Variants in ANKRA2 observed in about 807,000 individuals in gnomAD.
ANKRA2 encodes the protein ankyrin repeat family A member 2.
Under a neutral mutation model 37.8 loss-of-function variants are expected in ANKRA2, and 33 were observed. The ratio of observed to expected loss-of-function variants is 0.87; its 90% confidence interval spans 0.66 to 1.17. ANKRA2 has a LOEUF of 1.17. Among genes scored for constraint, ANKRA2 ranks in the 50% most tolerant of loss-of-function variants. The pLI, the probability that ANKRA2 is intolerant of heterozygous loss-of-function variation, is 0.00. For synonymous variants in ANKRA2, 126 were observed against 132.3 expected (o/e 0.95, Z 0.33); for missense variants, 326 against 373.7 (o/e 0.87, Z 1.05).
chr5:73,565,582 T>A lies in ANKRA2; in HGVS notation c.-555A>T. ...CGCTCCGAGGCCCATCCTGCCGGAG[T>A]ACTACACAGACAGGGTCATTTCAGT... is the stretch of plus-strand genomic sequence containing the variant. On this transcript the variant is annotated 5_prime_UTR_variant, in exon 1 of 9. Coordinates refer to ENST00000296785, the MANE Select transcript of ANKRA2 (RefSeq NM_023039.5). 1 of 332,440 alleles carries A rather than the reference T, an allele frequency of 3.0e-6. No homozygotes were observed. Among genetic ancestry groups the A allele is most frequent in the Non-Finnish European group, 6.0e-6 (1 of 166,298 alleles). The allele number at this position is 332,440 out of a possible 1,614,324, so 20.6% of individuals were successfully genotyped here. A position where few individuals can be genotyped will look rare whatever the true frequency, so the allele number is the denominator to read the frequency against.
intron 2 of ANKRA2, among the ~76,000 whole-genome samples, chr5:73,561,760 C>G (rs1451857698): frequency 6.7e-6 from 1 of 150,128 alleles, no homozygotes; most frequent in Non-Finnish European, 1.5e-5. Context: ...GAGAGAGGCT[C>G]TGGCTCAAAG....
At chr5:73,554,177 TG>T in intron 7 of ANKRA2, 144 bp downstream of exon 7, 1 of 713,476 alleles carries the variant, frequency 1.4e-6, no homozygotes, top group Non-Finnish European at 2.3e-6. Flanking sequence ...CAACTTTTGG[TG>T]GCAGGTGCTC....
At chr5:73,561,008 T>C in intron 3 of ANKRA2, 122 bp downstream of exon 3, 8 of 1,021,850 alleles carry the variant, frequency 7.8e-6, no homozygotes, top group South Asian at 1.7e-5. Context: ...AGTATTCCAT[T>C]GTGTAGTATA....
intron 3 of ANKRA2, among the ~76,000 whole-genome samples, chr5:73,559,982 TTGAACTCC>T (rs1464366237): frequency 6.6e-6 from 1 of 152,160 alleles, no homozygotes; most frequent in Non-Finnish European, 1.5e-5. Context: ...CAGGCTGGTC[TTGAACTCC>T]TGAACTCAAG....
intron 8 of ANKRA2, 123 bp downstream of exon 8, chr5:73,553,283 G>A: frequency 1.4e-6 from 1 of 694,066 alleles, no homozygotes; most frequent in Non-Finnish European, 2.3e-6. Context: ...AAAGTTAAAA[G>A]TATATGTCAG....
intron 1 of ANKRA2, among the ~76,000 whole-genome samples, chr5:73,563,702 T>G (rs2112025892): frequency 6.6e-6 from 1 of 152,300 alleles, no homozygotes; most frequent in South Asian, 2.1e-4. Flanking sequence ...ACATTATCAT[T>G]TGGGACAGAA....
intron 4 of ANKRA2, among the ~76,000 whole-genome samples, chr5:73,555,993 G>T (rs1392362802): frequency 6.6e-6 from 1 of 152,130 alleles, no homozygotes; most frequent in Non-Finnish European, 1.5e-5. Context: ...GTACAGTTGG[G>T]AGGATCATAA....
rs747711229 is a variant in ANKRA2 at position 73,562,815 on chromosome 5, T to G, written c.67A>C (p.Ser23Arg). The change falls in exon 2 of 9, where the codon AGC (serine) becomes CGC (arginine). Residue 23 changes from serine to arginine, a missense_variant. Around this residue, in one of 3 missense-constraint regions of ANKRA2, gnomAD observed 93 missense variants for 91.1 expected, o/e 1.02. Coordinates refer to ENST00000296785, the MANE Select transcript of ANKRA2 (RefSeq NM_023039.5). ...TTAATGTCTGGCATGCCAGTTAGGC[T>G]ATAAGTGCTGGGACACTCTTCCACG... is the stretch of plus-strand genomic sequence containing the variant. ...LIVEECPSTY[S>R]LTGMPDIKIE... 2 of 1,614,198 alleles carry G rather than the reference T, an allele frequency of 1.2e-6. No homozygotes were observed. The highest frequency in any genetic ancestry group is 1.7e-6 in the Non-Finnish European group (2 of 1,180,016).
At chr5:73,556,606 G>GGAA (rs1747402550) in intron 4 of ANKRA2, among the ~76,000 whole-genome samples, 2 of 152,168 alleles carry the variant, frequency 1.3e-5, no homozygotes, top group Admixed American at 1.3e-4. Context: ...CAATCCAGAA[G>GGAA]TCACAAAGAA....
intron 5 of ANKRA2, 192 bp from the exon 6 acceptor site, chr5:73,555,178 T>C (rs548849487): frequency 2.6e-4 from 363 of 1,407,448 alleles, no homozygotes; most frequent in Middle Eastern, 1.8e-3. Flanking sequence ...CCGTCCTGTA[T>C]CAATCCTAAT....
At chr5:73,554,786 T>C in intron 6 of ANKRA2, 75 bp downstream of exon 6, 1 of 1,501,958 alleles carries the variant, frequency 6.7e-7, no homozygotes, top group Non-Finnish European at 9.1e-7. Context: ...TTAATAAAAC[T>C]TACTGCATCT....
intron 4 of ANKRA2, among the ~76,000 whole-genome samples, chr5:73,557,196 A>T (rs952236065): frequency 6.6e-6 from 1 of 151,648 alleles, no homozygotes; most frequent in African/African-American, 2.4e-5. Context: ...ACGTGCTTAT[A>T]TGGAAAGCTC....
intron 5 of ANKRA2, 30 bp from the exon 6 acceptor site, chr5:73,555,016 C>G: frequency 6.3e-7 from 1 of 1,593,968 alleles, no homozygotes; most frequent in South Asian, 1.1e-5. Flanking sequence ...TAAAAGACTT[C>G]TCAATTAGTT....
intron 5 of ANKRA2, 54 bp downstream of exon 5, chr5:73,555,434 A>G: frequency 3.7e-6 from 6 of 1,604,044 alleles, no homozygotes; most frequent in South Asian, 3.3e-5. Context: ...AAACTCTACT[A>G]AAGACTTAAC....
chr5:73,559,694 T>C (rs1747494130), intron 3 of ANKRA2, among the ~76,000 whole-genome samples: 1 of 152,190 alleles, frequency 6.6e-6, no homozygotes, highest in South Asian at 2.1e-4. Context: ...ACTTTTAAGT[T>C]TTCATAATTA....
At chr5:73,561,347 T>C (rs995624833) in intron 2 of ANKRA2, 59 bp from the exon 3 acceptor site, 13 of 1,475,106 alleles carry the variant, frequency 8.8e-6, no homozygotes, top group African/African-American at 1.4e-5. Flanking sequence ...TCTATGTCAA[T>C]GTCTACATTT....
intron 3 of ANKRA2, among the ~76,000 whole-genome samples, chr5:73,560,853 A>G (rs1218136387): frequency 6.6e-6 from 1 of 152,108 alleles, no homozygotes; most frequent in Non-Finnish European, 1.5e-5. Flanking sequence ...ACTTCCACTG[A>G]GTTCTACTTT....
At chr5:73,556,019 A>G (rs959114597) in intron 4 of ANKRA2, among the ~76,000 whole-genome samples, 21 of 152,238 alleles carry the variant, frequency 1.4e-4, no homozygotes, top group African/African-American at 5.1e-4. Context: ...GTGAGATTAT[A>G]TGATAGCCCT....
intron 4 of ANKRA2, among the ~76,000 whole-genome samples, chr5:73,556,114 T>C (rs1747392407): frequency 6.6e-6 from 1 of 152,234 alleles, no homozygotes; most frequent in Non-Finnish European, 1.5e-5. Flanking sequence ...TGTGAATTTC[T>C]CTCATTCTTG....
Sources: allele counts gnomAD v4.1 joint callset (sites outside exome capture counted in the v4.1 genomes callset), GRCh38; gene constraint gnomAD v4.1.1; regional missense constraint gnomAD v4.1.1; transcripts MANE v1.5; gene names NCBI Gene and HGNC (gene_info 2026-07-23, HGNC 2026-07-21).